CFAP299: variants seen among roughly 807,000 people sequenced by gnomAD.
CFAP299 encodes cilia- and flagella-associated protein 299.
A neutral mutation model predicts 27.0 loss-of-function variants in CFAP299; 21 were observed. The ratio of observed to expected loss-of-function variants is 0.78; its 90% CI spans 0.55 to 1.12. The LOEUF is 1.12. CFAP299 is among the 50% of genes most tolerant of loss of function. The pLI is 0.00. For synonymous variants in CFAP299, 104 were observed against 98.1 expected, an observed-to-expected ratio of 1.06 and a Z score of -0.36; for missense variants, 310 against 276.6, an observed-to-expected ratio of 1.12 and a Z score of -0.86.
intron 2 of CFAP299, among the ~76,000 whole-genome samples, chr4:80,486,053 C>T (rs1234149340): frequency 6.6e-6 from 1 of 152,038 alleles, no homozygotes; most frequent in East Asian, 1.9e-4. Context: ...CCTTAGCCTC[C>T]CAAGTAGCTG....
intron 5 of CFAP299, among the ~76,000 whole-genome samples, chr4:80,949,672 A>G (rs1737670786): frequency 6.6e-6 from 1 of 152,146 alleles, no homozygotes; most frequent in Non-Finnish European, 1.5e-5. Context: ...ATTACCCAAG[A>G]TAAGATTCAC....
chr4:80,833,679 G>T (rs529892446), intron 3 of CFAP299, among the ~76,000 whole-genome samples: 1 of 152,116 alleles, frequency 6.6e-6, no homozygotes, highest in Non-Finnish European at 1.5e-5. Context: ...ATTATTGGAC[G>T]TATTTTAAAT....
intron 4 of CFAP299, among the ~76,000 whole-genome samples, chr4:80,926,814 A>C (rs1239691569): frequency 6.6e-6 from 1 of 152,120 alleles, no homozygotes; most frequent in Non-Finnish European, 1.5e-5. Flanking sequence ...ATTATAAGGC[A>C]ATGGTCTCAC....
intron 3 of CFAP299, among the ~76,000 whole-genome samples, chr4:80,697,245 G>T (rs564119781): frequency 2.0e-5 from 3 of 152,160 alleles, no homozygotes; most frequent in South Asian, 4.2e-4. Flanking sequence ...CAGAATTAGA[G>T]ATCCCTGTTA....
chr4:80,468,529 T>A (rs1296221671), intron 2 of CFAP299, among the ~76,000 whole-genome samples: 1 of 152,030 alleles, frequency 6.6e-6, no homozygotes, highest in Admixed American at 6.5e-5. Flanking sequence ...TGGCCTATAA[T>A]GTTGTTTTAA....
chr4:80,528,162 TAACA>T (rs1382466445), intron 2 of CFAP299, among the ~76,000 whole-genome samples: 2 of 152,124 alleles, frequency 1.3e-5, no homozygotes, highest in Non-Finnish European at 2.9e-5. Context: ...CATTTTCATC[TAACA>T]AACACTGAAG....
chr4:80,547,608 G>GCC (rs1734299434), intron 2 of CFAP299, among the ~76,000 whole-genome samples: 1 of 152,022 alleles, frequency 6.6e-6, no homozygotes, highest in Non-Finnish European at 1.5e-5. Flanking sequence ...ATGAGAGAAA[G>GCC]TATTGGCAAA....
intron 2 of CFAP299, among the ~76,000 whole-genome samples, chr4:80,416,702 T>G (rs1319497440): frequency 6.6e-6 from 1 of 152,244 alleles, no homozygotes; most frequent in Non-Finnish European, 1.5e-5. Flanking sequence ...GTATTACAAC[T>G]ATTTACTTAA....
chr4:80,408,938 G>C (rs1435143356), intron 2 of CFAP299, among the ~76,000 whole-genome samples: 1 of 151,416 alleles, frequency 6.6e-6, no homozygotes, highest in East Asian at 1.9e-4. Context: ...AAATTAGCCA[G>C]GCATTGGTGG....
chr4:80,810,109 G>A (rs72879991), intron 3 of CFAP299, among the ~76,000 whole-genome samples: 1,621 of 152,048 alleles, frequency 0.011, 28 homozygotes, highest in African/African-American at 0.036. Context: ...TTGTTTATTG[G>A]AAGAAATACA....
At chr4:80,828,756 T>C (rs945413137) in intron 3 of CFAP299, among the ~76,000 whole-genome samples, 1 of 152,076 alleles carries the variant, frequency 6.6e-6, no homozygotes, top group African/African-American at 2.4e-5. Flanking sequence ...CAATTAAACA[T>C]CTTTTCTTTA....
chr4:80,407,562 A>T (rs1239401225), intron 2 of CFAP299, among the ~76,000 whole-genome samples: 1 of 152,170 alleles, frequency 6.6e-6, no homozygotes, highest in Non-Finnish European at 1.5e-5. Context: ...CTGGGCTTAG[A>T]ACTGGAACCC....
rs550587715 is a variant in CFAP299, at chr4:80,504,191, C to G, written c.243-78902C>G. ...TGACCAGTGTTCTGAGCGGAGATGT[C>G]TAAGTGGATATGAAGTTGGTGGTAG... On this transcript the variant is annotated intron_variant, in intron 2 of 5. Transcript: ENST00000358105. Among the ~76,000 whole-genome samples the G allele has an allele frequency of 5.3e-5, 8 of 151,468 alleles. No homozygotes were observed. The South Asian group carries it at 1.7e-3, about 32-fold the overall frequency.
At chr4:80,622,090 G>A (rs1458522623) in intron 3 of CFAP299, among the ~76,000 whole-genome samples, 1 of 152,200 alleles carries the variant, frequency 6.6e-6, no homozygotes, top group Non-Finnish European at 1.5e-5. Context: ...AACATAGGAA[G>A]TCAGGCTCTG....
chr4:80,799,866 A>T (rs928070176), intron 3 of CFAP299, among the ~76,000 whole-genome samples: 204 of 31,592 alleles, frequency 6.5e-3, no homozygotes, highest in Non-Finnish European at 8.4e-3. Context: ...AATATATATT[A>T]TATATATTAT....
intron 3 of CFAP299, among the ~76,000 whole-genome samples, chr4:80,782,454 G>C (rs1726936104): frequency 6.7e-6 from 1 of 148,964 alleles, no homozygotes; most frequent in Admixed American, 6.8e-5. Context: ...CTGAAATAGA[G>C]TGCTGACTAT....
chr4:80,868,305 C>G (rs1732866567), intron 3 of CFAP299, among the ~76,000 whole-genome samples: 2 of 152,074 alleles, frequency 1.3e-5, no homozygotes, highest in South Asian at 4.1e-4. Context: ...ATATATCCTG[C>G]AGAATTTCTT....
In CFAP299 at chr4:80,424,739, A is replaced by G. The variant is rs576817879; in HGVS notation, c.242+61855A>G. Among the ~76,000 whole-genome samples, 13 of 152,340 alleles carry G rather than the reference A, an allele frequency of 8.5e-5. No individual in the cohort carries two copies. The South Asian group carries it at 1.9e-3, about 22-fold the overall frequency. On this transcript the variant is annotated intron_variant, in intron 2 of 5. Transcript: ENST00000358105. Reference sequence around the variant, plus strand: ...TGAGGAAGAGATGATCATTACCTAGACATTAGGAGGAATCTTCACATTCAC... The same window carrying G: ...TGAGGAAGAGATGATCATTACCTAGGCATTAGGAGGAATCTTCACATTCAC...
chr4:80,669,891 TA>T (rs753391119), intron 3 of CFAP299, among the ~76,000 whole-genome samples: 2 of 151,902 alleles, frequency 1.3e-5, no homozygotes, highest in Non-Finnish European at 2.9e-5. Flanking sequence ...TTTTTTATTA[TA>T]AAAAAACCCT....
Sources: allele counts gnomAD v4.1 joint callset (sites outside exome capture counted in the v4.1 genomes callset), GRCh38; gene constraint gnomAD v4.1.1; transcripts MANE v1.5; gene names NCBI Gene and HGNC (gene_info 2026-07-23, HGNC 2026-07-21).